Variants in ADGRL1 observed in about 807,000 individuals in gnomAD.
The protein encoded by ADGRL1 is CIRL-1.
In ADGRL1, 31 loss-of-function variants were observed where a neutral mutation model predicts 148.9. The observed-to-expected ratio is 0.21, with a 90% CI of 0.16 to 0.28. The LOEUF is 0.28. ADGRL1 is among the 10% of genes least tolerant of loss of function. The pLI is 1.00. For synonymous variants in ADGRL1, 937 were observed against 900.3 expected (o/e 1.04, Z -0.73); for missense variants, 1,521 against 2,058.8 (o/e 0.74, Z 5.05).
chr19:14,158,261 T>G, intron 12 of ADGRL1, 77 bp downstream of exon 12: 1 of 1,449,896 alleles, frequency 6.9e-7, no homozygotes, highest in Non-Finnish European at 9.6e-7. Flanking sequence ...GGTGAGCACA[T>G]GGAGGGGCAG....
rs933891700 is a variant in ADGRL1 at position 14,160,659 on chromosome 19, G to A, written c.1548C>T (p.Leu516=). The part of the protein sequence containing the change: ...ASFQCLPALG[L]WNPRGPDLSN... ...TGAGGTCAGGGCCCCGGGGGTTCCA[G>A]AGCCCCAAGGCTGGTAGACACTGGA... The change falls in exon 7 of 23, where the codon CTC becomes CTT. Residue 516 remains leucine (L), a synonymous_variant. Coordinates refer to ENST00000361434, the MANE Select transcript of ADGRL1 (RefSeq NM_014921.5). The surrounding 1 kb of genome is among the most constrained non-coding windows in gnomAD (Gnocchi z 5.9). 1 of 1,613,050 alleles carries A rather than the reference G, an allele frequency of 6.2e-7. No individual in the cohort carries two copies. Among genetic ancestry groups the A allele is most frequent in the African/African-American group, 1.3e-5 (1 of 74,902 alleles).
chr19:14,189,647 G>A (rs1971809120), intron 1 of ADGRL1, among the ~76,000 whole-genome samples: 1 of 152,192 alleles, frequency 6.6e-6, no homozygotes, highest in Non-Finnish European at 1.5e-5. Flanking sequence ...TGCATGGGTG[G>A]AGCACGTTTT....
chr19:14,183,774 A>G, intron 1 of ADGRL1, 77 bp from the exon 2 acceptor site: 3 of 605,552 alleles, frequency 5.0e-6, no homozygotes, highest in Non-Finnish European at 8.7e-6. Flanking sequence ...GTGGCTGAGT[A>G]GCTCTGAGAG....
chr19:14,205,780 C>T (rs1972964214), intron 1 of ADGRL1, among the ~76,000 whole-genome samples: 1 of 151,670 alleles, frequency 6.6e-6, no homozygotes, highest in Non-Finnish European at 1.5e-5. Context: ...CTCCCAGGCC[C>T]CTCGCCAGTG....
chr19:14,167,632 C>T (rs907975205), intron 4 of ADGRL1, among the ~76,000 whole-genome samples: 1 of 152,140 alleles, frequency 6.6e-6, no homozygotes, highest in African/African-American at 2.4e-5. Context: ...AGCTGACTTC[C>T]CCCAAGCCCT....
chr19:14,170,582 C>A (rs1192714701), intron 4 of ADGRL1, 100 bp downstream of exon 4: 2 of 697,140 alleles, frequency 2.9e-6, no homozygotes, highest in Non-Finnish European at 5.1e-6. Context: ...TGTGCCCAGG[C>A]CCCATGCATG....
At chr19:14,165,003 C>T (rs778333823) in intron 4 of ADGRL1, among the ~76,000 whole-genome samples, 9 of 152,282 alleles carry the variant, frequency 5.9e-5, no homozygotes, top group South Asian at 2.1e-4. Flanking sequence ...GCAGCTGGCC[C>T]CGAGGGGATC....
chr19:14,158,293 A>C, intron 12 of ADGRL1, 45 bp downstream of exon 12: 1 of 1,582,394 alleles, frequency 6.3e-7, no homozygotes, highest in Non-Finnish European at 8.7e-7. Context: ...GGGAACACAG[A>C]GGGTACAGGG....
chr19:14,203,782 C>G (rs898360664), intron 1 of ADGRL1, among the ~76,000 whole-genome samples: 2 of 151,976 alleles, frequency 1.3e-5, no homozygotes, highest in Non-Finnish European at 2.9e-5. Flanking sequence ...GCCAGCTACA[C>G]CCCCAAGAGC....
intron 16 of ADGRL1, 41 bp from the exon 17 acceptor site, chr19:14,156,242 C>G: frequency 6.8e-7 from 1 of 1,473,386 alleles, no homozygotes; most frequent in East Asian, 2.3e-5. Flanking sequence ...GAGAGTGGCC[C>G]TGCCTCCCTC....
chr19:14,150,700 C>A lies in ADGRL1; in HGVS notation c.*173G>T, dbSNP rs1327719175. The A allele has an allele frequency of 1.3e-5, 9 of 711,610 alleles. No homozygotes were observed. In the South Asian group the frequency reaches 1.6e-4, roughly 12 times the overall value. The allele number at this position is 711,610 out of a possible 1,614,324, so 44.1% of individuals were successfully genotyped here. A position where few individuals can be genotyped will look rare whatever the true frequency, so the allele number is the denominator to read the frequency against. Reference sequence around the variant, plus strand: ...AAACCCTGTCTGTGAACCCTGGCACCTCAGGCCCCCAGGTTAGAGTCCCCT... The same window carrying A: ...AAACCCTGTCTGTGAACCCTGGCACATCAGGCCCCCAGGTTAGAGTCCCCT... On this transcript the variant is annotated 3_prime_UTR_variant, in exon 23 of 23. Coordinates refer to ENST00000361434, the MANE Select transcript of ADGRL1 (RefSeq NM_014921.5).
chr19:14,170,580 G>T, intron 4 of ADGRL1, 102 bp downstream of exon 4: 1 of 689,336 alleles, frequency 1.5e-6, no homozygotes. Context: ...ACTGTGCCCA[G>T]GCCCCATGCA....
In ADGRL1 at chr19:14,155,617, T is replaced by C; in HGVS notation, c.3126-90A>G. 7.4e-7 allele frequency: 1 copy of C among 1,347,526 alleles called. No homozygotes were observed. Among genetic ancestry groups the C allele is most frequent in the South Asian group, 1.3e-5 (1 of 78,334 alleles). The allele number at this position is 1,347,526 out of a possible 1,614,324, so 83.5% of individuals were successfully genotyped here. A position where few individuals can be genotyped will look rare whatever the true frequency, so the allele number is the denominator to read the frequency against. On this transcript the variant is annotated intron_variant, in intron 17 of 22. Transcript: ENST00000361434. This position sits in a 1 kb window ranked among gnomAD's most constrained non-coding sequence, Gnocchi z 5.0. ...CCCTGCAGCCTACAACGGGGGCCCT[T>C]GGGTGGGCCTGGGCACTGTCTGCAA...
intron 4 of ADGRL1, chr19:14,166,998 T>C: frequency 6.2e-7 from 1 of 1,611,770 alleles, no homozygotes; most frequent in Non-Finnish European, 8.5e-7. Flanking sequence ...GGGTTAGCAT[T>C]GGTAACAGTG....
intron 18 of ADGRL1, among the ~76,000 whole-genome samples, chr19:14,154,914 G>A (rs1968569852): frequency 6.6e-6 from 1 of 152,194 alleles, no homozygotes; most frequent in Admixed American, 6.5e-5. Flanking sequence ...ACCGTGTCCG[G>A]ACTGTATGTT....
rs2099354781 is a variant in ADGRL1 at position 14,170,760 on chromosome 19, C to T, written c.316G>A (p.Ala106Thr). The T allele has an allele frequency of 6.2e-7, 1 of 1,610,880 alleles. No homozygotes were observed. The change falls in exon 4 of 23, where the codon GCC becomes ACC. Residue 106 changes from alanine to threonine, a missense_variant. By Grantham distance (58) the Ala-to-Thr change is moderately conservative. Transcript: ENST00000361434. ...CNNRTQCVVVAGSDAFPDPCP... is the reference protein window; with the variant it reads ...CNNRTQCVVVTGSDAFPDPCP... ...GGGTCAGGAAAGGCATCCGAGCCGG[C>T]GACCACCACGCACTGGGTGCGGTTG...
intron 22 of ADGRL1, 60 bp from the exon 23 acceptor site, chr19:14,151,675 G>A: frequency 1.4e-6 from 2 of 1,477,280 alleles, no homozygotes; most frequent in African/African-American, 1.4e-5. Flanking sequence ...CTAGGGGACA[G>A]TGAGGGGGTG....
At chr19:14,175,364 CAA>C (rs71170602) in intron 3 of ADGRL1, among the ~76,000 whole-genome samples, 16,617 of 151,372 alleles carry the variant, frequency 0.11, 1,016 homozygotes, top group Admixed American at 0.18. Flanking sequence ...GTTAAATACA[CAA>C]AGACACAGCC....
chr19:14,170,128 T>C (rs1287133571), intron 4 of ADGRL1: 2 of 152,734 alleles, frequency 1.3e-5, no homozygotes, highest in Admixed American at 6.5e-5. Context: ...TCCCACTCTA[T>C]GGGTGTAGAG....
Sources: gnomAD v4.1 joint callset for allele counts (sites outside exome capture counted in the v4.1 genomes callset) on GRCh38, gnomAD v4.1.1 for gene constraint, Gnocchi (gnomAD v3.1) non-coding constraint, MANE v1.5 for transcripts, NCBI Gene and HGNC (gene_info 2026-07-23, HGNC 2026-07-21) for gene names.